Variants in EYA2 observed in about 807,000 individuals in gnomAD.
The protein encoded by EYA2 is EYA transcriptional coactivator and phosphatase 2, also known as protein phosphatase EYA2.
EYA2 carries 31 observed loss-of-function variants against 69.2 expected under a neutral mutation model. That is an observed-to-expected ratio of 0.45 (90% CI 0.34 to 0.60). The LOEUF is 0.60. EYA2 is among the 20% of genes least tolerant of loss of function. The probability of loss-of-function intolerance (pLI) is 0.02; values close to 1 mark genes in which losing one functional copy is unlikely to be tolerated. For missense variants in EYA2, 622 were observed against 701.2 expected (o/e 0.89, Z 1.28); for synonymous variants, 257 against 279.4 (o/e 0.92, Z 0.80).
rs564543423 is a variant in EYA2 at position 47,023,350 on chromosome 20, C to G, written c.415+7053C>G. 3.3e-5 allele frequency among the ~76,000 whole-genome samples: 5 copies of G among 149,854 alleles called. No individual in the cohort carries two copies. In the South Asian group the frequency reaches 1.1e-3, roughly 32 times the overall value. On this transcript the variant is annotated intron_variant, in intron 5 of 15. Transcript: ENST00000327619. ...GTTTCATTTGCTTCTAAGGGTTTCTCTATCACTGTTGTTGTTGTTACGTGC... is the reference window on the plus strand; with the variant it reads ...GTTTCATTTGCTTCTAAGGGTTTCTGTATCACTGTTGTTGTTGTTACGTGC...
intron 7 of EYA2, among the ~76,000 whole-genome samples, chr20:47,084,225 G>A (rs901390164): frequency 4.0e-5 from 6 of 151,298 alleles, no homozygotes; most frequent in African/African-American, 1.2e-4. Context: ...CAGCCTGGGC[G>A]ACAGAGTGAG....
At chr20:46,937,138 C>G (rs1375775075) in intron 1 of EYA2, among the ~76,000 whole-genome samples, 2 of 152,128 alleles carry the variant, frequency 1.3e-5, no homozygotes, top group African/African-American at 4.8e-5. Context: ...ACAGACGTAT[C>G]TAGCTCACAT....
At chr20:47,084,784 C>T (rs909961852) in intron 7 of EYA2, among the ~76,000 whole-genome samples, 8 of 151,834 alleles carry the variant, frequency 5.3e-5, no homozygotes, top group African/African-American at 1.7e-4. Flanking sequence ...CTCTCATCCA[C>T]TGCTGGAAAA....
intron 5 of EYA2, among the ~76,000 whole-genome samples, chr20:47,061,844 C>T (rs1251510458): frequency 6.6e-6 from 1 of 152,166 alleles, no homozygotes; most frequent in Non-Finnish European, 1.5e-5. Flanking sequence ...ACGTCTTAGT[C>T]CCCAAAGGGT....
At chr20:47,003,213 C>T (rs76425559) in intron 3 of EYA2, among the ~76,000 whole-genome samples, 1,564 of 152,180 alleles carry the variant, frequency 0.01, 26 homozygotes, top group African/African-American at 0.036. Flanking sequence ...ATGCTTGTGG[C>T]GTGTTATTAA....
chr20:47,094,252 T>G (rs544198941), intron 8 of EYA2, among the ~76,000 whole-genome samples: 1 of 152,344 alleles, frequency 6.6e-6, no homozygotes, highest in African/African-American at 2.4e-5. Flanking sequence ...TACTGAAATT[T>G]CTAAATTTAA....
At chr20:47,111,229 G>T (rs2032740079) in intron 9 of EYA2, among the ~76,000 whole-genome samples, 2 of 152,182 alleles carry the variant, frequency 1.3e-5, no homozygotes, top group Admixed American at 1.3e-4. Flanking sequence ...ATTTTTAAAA[G>T]ATCATTATTT....
intron 10 of EYA2, among the ~76,000 whole-genome samples, chr20:47,168,402 G>A (rs1466077982): frequency 1.3e-5 from 2 of 151,980 alleles, no homozygotes; most frequent in East Asian, 1.9e-4. Flanking sequence ...TGTTGGCCAG[G>A]CTGGTCTCAA....
intron 15 of EYA2, among the ~76,000 whole-genome samples, chr20:47,187,261 C>T (rs765545677): frequency 4.0e-5 from 6 of 151,082 alleles, no homozygotes; most frequent in African/African-American, 7.3e-5. Context: ...CCCAGCTACC[C>T]GGGAGGCTAA....
intron 5 of EYA2, chr20:47,071,926 G>T (rs941393781): frequency 1.4e-5 from 7 of 493,548 alleles, no homozygotes; most frequent in African/African-American, 1.2e-4. Flanking sequence ...AGCCACGGCC[G>T]CATCAGCAAG....
chr20:47,045,580 A>G (rs947020), intron 5 of EYA2, among the ~76,000 whole-genome samples: 85,770 of 152,106 alleles, frequency 0.56, 24,739 homozygotes, highest in East Asian at 0.69. Flanking sequence ...GAGTAACTGG[A>G]GCACAGTGCT....
intron 14 of EYA2, among the ~76,000 whole-genome samples, chr20:47,182,577 C>T (rs1466635348): frequency 7.1e-6 from 1 of 141,336 alleles, no homozygotes; most frequent in African/African-American, 2.8e-5. Context: ...TGCAGTGAGC[C>T]GAGACCAGGC....
intron 5 of EYA2, 199 bp from the exon 6 acceptor site, chr20:47,071,986 C>T: frequency 1.6e-6 from 1 of 611,536 alleles, no homozygotes; most frequent in Non-Finnish European, 2.9e-6. Flanking sequence ...TAGGCGTCAC[C>T]AGAGGATTAG....
intron 1 of EYA2, chr20:46,901,166 C>T (rs1984085715): frequency 6.6e-6 from 1 of 152,216 alleles, no homozygotes; most frequent in Non-Finnish European, 1.5e-5. Context: ...CTCCCCATGG[C>T]TCCCTCTCAC....
chr20:47,176,076 C>CTTTTTT (rs35654076), intron 12 of EYA2, among the ~76,000 whole-genome samples: 3 of 112,494 alleles, frequency 2.7e-5, no homozygotes, highest in Non-Finnish European at 5.5e-5. Flanking sequence ...CACTTAAATT[C>CTTTTTT]TTTTTTTTTT....
At chr20:46,950,345 A>G (rs1008417780) in intron 1 of EYA2, among the ~76,000 whole-genome samples, 2 of 152,192 alleles carry the variant, frequency 1.3e-5, no homozygotes, top group South Asian at 4.1e-4. Flanking sequence ...AAGGAGTCTC[A>G]AGTACCCTTC....
chr20:47,071,994 T>G (rs988936387), intron 5 of EYA2, 191 bp from the exon 6 acceptor site: 1 of 626,838 alleles, frequency 1.6e-6, no homozygotes, highest in Non-Finnish European at 2.9e-6. Flanking sequence ...ACCAGAGGAT[T>G]AGTGTCAACA....
intron 8 of EYA2, among the ~76,000 whole-genome samples, chr20:47,094,700 G>A (rs2032192880): frequency 1.3e-5 from 2 of 152,108 alleles, no homozygotes; most frequent in African/African-American, 4.8e-5. Context: ...TGAAAATAAT[G>A]ATCACCAGAA....
intron 4 of EYA2, among the ~76,000 whole-genome samples, chr20:47,012,103 G>C (rs1005295846): frequency 6.6e-6 from 1 of 152,212 alleles, no homozygotes; most frequent in African/African-American, 2.4e-5. Flanking sequence ...CCTGTTGCAG[G>C]TGCTGAGCTA....
Sources: gnomAD v4.1 joint callset for allele counts (sites outside exome capture counted in the v4.1 genomes callset) on GRCh38, gnomAD v4.1.1 for gene constraint, MANE v1.5 for transcripts, NCBI Gene and HGNC (gene_info 2026-07-23, HGNC 2026-07-21) for gene names.